The following SLC10A7 variants were observed in gnomAD, a reference collection of about 807,000 sequenced individuals.
SLC10A7 encodes the protein solute carrier family 10 member 7.
A neutral mutation model predicts 43.2 loss-of-function variants in SLC10A7; 29 were observed. The observed-to-expected ratio is 0.67, with a 90% CI of 0.50 to 0.92. The LOEUF (loss-of-function observed/expected upper bound fraction) is 0.92, where lower values mean the gene tolerates loss of function less well. Among genes scored for constraint, SLC10A7 ranks in the 40% least tolerant of loss-of-function variants. SLC10A7 has a pLI of 0.00. For missense variants in SLC10A7, 295 were observed against 403.2 expected, an observed-to-expected ratio of 0.73 and a Z score of 2.30; for synonymous variants, 152 against 144.8, an observed-to-expected ratio of 1.05 and a Z score of -0.35.
intron 2 of SLC10A7, 80 bp from the exon 3 acceptor site, chr4:146,510,129 A>C: frequency 1.5e-6 from 2 of 1,355,206 alleles, no homozygotes; most frequent in Non-Finnish European, 2.0e-6. Context: ...ATAACATCAC[A>C]TGAGTTAGTT....
chr4:146,454,217 T>C (rs1169257708), intron 4 of SLC10A7, among the ~76,000 whole-genome samples: 1 of 151,928 alleles, frequency 6.6e-6, no homozygotes, highest in East Asian at 1.9e-4. Flanking sequence ...AAATATTTAA[T>C]TCAAGATTTT....
chr4:146,387,390 T>C (rs1359483475), intron 5 of SLC10A7, among the ~76,000 whole-genome samples: 4 of 152,190 alleles, frequency 2.6e-5, no homozygotes, highest in South Asian at 4.1e-4. Flanking sequence ...TCAATAGACA[T>C]AGAAAAAGCA....
rs936011641 is a variant in SLC10A7, at chr4:146,255,228, C to T, written c.*1263G>A. ...GTTCTATACGTGGCTTCATTCTCTA[C>T]TTGGGTCCAGTTACAGTTCTTGCAG... On this transcript the variant is annotated 3_prime_UTR_variant, in exon 12 of 12. Transcript: ENST00000335472. The T allele has an allele frequency of 5.2e-5, 8 of 152,612 alleles. No individual in the cohort carries two copies. 9.5% of individuals were successfully genotyped at this position (152,612 alleles called of 1,614,324 possible). A position where few individuals can be genotyped will look rare whatever the true frequency, so the allele number is the denominator to read the frequency against.
intron 5 of SLC10A7, among the ~76,000 whole-genome samples, chr4:146,406,914 T>C (rs1457199934): frequency 6.6e-6 from 1 of 151,890 alleles, no homozygotes; most frequent in Non-Finnish European, 1.5e-5. Context: ...ATCAGGGAGG[T>C]GGAGGTTGCA....
chr4:146,476,994 C>T (rs1364613509), intron 4 of SLC10A7, among the ~76,000 whole-genome samples: 1 of 151,946 alleles, frequency 6.6e-6, no homozygotes, highest in Non-Finnish European at 1.5e-5. Context: ...GTACAATAAG[C>T]CAGTTTTATT....
At chr4:146,410,850 T>C (rs1248789723) in intron 5 of SLC10A7, among the ~76,000 whole-genome samples, 2 of 152,188 alleles carry the variant, frequency 1.3e-5, no homozygotes, top group African/African-American at 2.4e-5. Context: ...TGTATTTATT[T>C]TGAGACAGAG....
chr4:146,354,421 A>T (rs376637483), intron 5 of SLC10A7, among the ~76,000 whole-genome samples: 1 of 151,972 alleles, frequency 6.6e-6, no homozygotes, highest in Non-Finnish European at 1.5e-5. Flanking sequence ...ATTCCATGCT[A>T]ATGGGTAGGA....
intron 10 of SLC10A7, among the ~76,000 whole-genome samples, chr4:146,261,990 TA>T (rs2110995061): frequency 6.6e-6 from 1 of 152,338 alleles, no homozygotes; most frequent in East Asian, 1.9e-4. Context: ...GCCCATATTG[TA>T]AATGGATTCT....
chr4:146,465,427 G>A (rs1284763502), intron 4 of SLC10A7, among the ~76,000 whole-genome samples: 1 of 151,996 alleles, frequency 6.6e-6, no homozygotes, highest in Non-Finnish European at 1.5e-5. Flanking sequence ...TTGAAAAACT[G>A]CTTTTTGATT....
At chr4:146,321,608 T>C (rs1429775679) in intron 6 of SLC10A7, among the ~76,000 whole-genome samples, 1 of 152,088 alleles carries the variant, frequency 6.6e-6, no homozygotes. Context: ...TGTTCATATA[T>C]AAACATTTTT....
intron 5 of SLC10A7, among the ~76,000 whole-genome samples, chr4:146,413,782 G>C (rs1728367341): frequency 6.6e-6 from 1 of 152,078 alleles, no homozygotes; most frequent in Admixed American, 6.6e-5. Flanking sequence ...AGTCATATAA[G>C]GTTTACCTGA....
intron 10 of SLC10A7, among the ~76,000 whole-genome samples, chr4:146,265,376 C>T (rs1248551587): frequency 1.3e-5 from 2 of 152,118 alleles, no homozygotes; most frequent in East Asian, 3.8e-4. Context: ...ACTTTTTAAT[C>T]CTTGTTAAAG....
chr4:146,350,520 G>A (rs1462646704), intron 5 of SLC10A7, among the ~76,000 whole-genome samples: 1 of 144,340 alleles, frequency 6.9e-6, no homozygotes, highest in Non-Finnish European at 1.5e-5. Flanking sequence ...CGAACTGGGT[G>A]GAGCCCACCA....
intron 5 of SLC10A7, among the ~76,000 whole-genome samples, chr4:146,430,462 A>C (rs1405684746): frequency 2.6e-5 from 4 of 152,200 alleles, no homozygotes; most frequent in African/African-American, 9.6e-5. Context: ...CAATGGATAA[A>C]AATATTAACT....
chr4:146,520,247 T>C (rs2150066866), intron 1 of SLC10A7, among the ~76,000 whole-genome samples: 1 of 133,856 alleles, frequency 7.5e-6, no homozygotes, highest in East Asian at 2.3e-4. Context: ...CTCTAAGTCT[T>C]ACTATTCATT....
chr4:146,372,814 T>C (rs1265078354), intron 5 of SLC10A7, among the ~76,000 whole-genome samples: 1 of 152,214 alleles, frequency 6.6e-6, no homozygotes, highest in African/African-American at 2.4e-5. Flanking sequence ...AAGTAACATT[T>C]TTTGGATTAA....
chr4:146,442,102 A>G (rs1291076538), intron 5 of SLC10A7: 1 of 974,996 alleles, frequency 1.0e-6, no homozygotes, highest in African/African-American at 1.8e-5. Flanking sequence ...AATCAACAGA[A>G]AATTTAGTTT....
At position 146,313,354 on chromosome 4, in the gene SLC10A7, T is replaced by C. The variant is rs75997772; in HGVS notation, c.472-7345A>G. On this transcript the variant is annotated intron_variant, in intron 6 of 11. Transcript: ENST00000335472. ...GTAGTCCTTAATGGGGGAAGAAGTT[T>C]ATCAATGTCACCTCTTTCACCTCTA... Among the ~76,000 whole-genome samples the C allele has an allele frequency of 5.2e-3, 787 of 152,250 alleles. 8 individuals are homozygous for C. The highest frequency in any genetic ancestry group is 0.018 in the African/African-American group (755 of 41,560).
At chr4:146,349,791 C>A (rs1033989694) in intron 5 of SLC10A7, among the ~76,000 whole-genome samples, 19 of 152,098 alleles carry the variant, frequency 1.2e-4, no homozygotes, top group Non-Finnish European at 2.4e-4. Context: ...ATATTGGGTT[C>A]TCATGGACAT....
Sources: gnomAD v4.1 joint callset for allele counts (sites outside exome capture counted in the v4.1 genomes callset) on GRCh38, gnomAD v4.1.1 for gene constraint, MANE v1.5 for transcripts, NCBI Gene and HGNC (gene_info 2026-07-23, HGNC 2026-07-21) for gene names.